HTR7: variants seen among roughly 807,000 people sequenced by gnomAD.
HTR7 encodes the protein 5-hydroxytryptamine receptor 7.
In HTR7, 16 loss-of-function variants were observed where a neutral mutation model predicts 34.0. The observed-to-expected ratio is 0.47, with a 90% CI of 0.32 to 0.71. HTR7 has a LOEUF of 0.71. HTR7 is among the 30% of genes least tolerant of loss of function. The probability of loss-of-function intolerance (pLI) is 0.04; values close to 1 mark genes in which losing one functional copy is unlikely to be tolerated. For missense variants in HTR7, 504 were observed against 625.5 expected, an observed-to-expected ratio of 0.81 and a Z score of 2.07; for synonymous variants, 265 against 260.2, an observed-to-expected ratio of 1.02 and a Z score of -0.18.
intron 1 of HTR7, among the ~76,000 whole-genome samples, chr10:90,790,509 T>A (rs1033073872): frequency 1.4e-4 from 22 of 152,198 alleles, no homozygotes; most frequent in Non-Finnish European, 2.5e-4. Context: ...AGTGACAGGA[T>A]ACATTCATAT....
intron 1 of HTR7, among the ~76,000 whole-genome samples, chr10:90,787,538 T>A (rs1487697592): frequency 1.3e-5 from 2 of 152,006 alleles, no homozygotes; most frequent in African/African-American, 2.4e-5. Flanking sequence ...CTCACTACCT[T>A]CACTGGACTT....
chr10:90,742,452 CT>C lies in HTR7; in HGVS notation c.*29del. 3.8e-6 allele frequency: 6 copies of C among 1,573,558 alleles called. No individual in the cohort carries two copies. The highest frequency in any genetic ancestry group is 1.3e-5 in the African/African-American group (1 of 74,094). On this transcript the variant is annotated 3_prime_UTR_variant, in exon 4 of 4. Transcript: ENST00000336152. ...CCTTCTGTTTCCACCTCTATTTTGC[CT>C]TGTTTATTTCATCTCCATTGTTCTG...
At chr10:90,782,231 G>A (rs1170775561) in intron 1 of HTR7, among the ~76,000 whole-genome samples, 3 of 152,220 alleles carry the variant, frequency 2.0e-5, no homozygotes, top group Non-Finnish European at 2.9e-5. Context: ...AGGACACTGA[G>A]CAGCTTCCAG....
intron 1 of HTR7, among the ~76,000 whole-genome samples, chr10:90,794,277 G>A (rs1473865280): frequency 6.6e-6 from 1 of 152,120 alleles, no homozygotes; most frequent in East Asian, 1.9e-4. Flanking sequence ...CATACAAGGA[G>A]CCGTCATCTC....
chr10:90,750,560 G>GA (rs1297575740), intron 1 of HTR7, among the ~76,000 whole-genome samples: 4 of 151,758 alleles, frequency 2.6e-5, no homozygotes, highest in Admixed American at 6.6e-5. Context: ...AGCAAAGACA[G>GA]AAAAAAAACT....
intron 1 of HTR7, among the ~76,000 whole-genome samples, chr10:90,828,267 A>C (rs1463527351): frequency 6.6e-6 from 1 of 152,210 alleles, no homozygotes; most frequent in Non-Finnish European, 1.5e-5. Context: ...AAGTAGAAAG[A>C]CATCAAGTAA....
At chr10:90,817,944 T>G (rs973643279) in intron 1 of HTR7, among the ~76,000 whole-genome samples, 4 of 151,988 alleles carry the variant, frequency 2.6e-5, no homozygotes, top group Non-Finnish European at 5.9e-5. Context: ...CTATGTAAAG[T>G]GAAAGAAGAT....
intron 1 of HTR7, among the ~76,000 whole-genome samples, chr10:90,796,574 C>T (rs1204927155): frequency 6.6e-6 from 1 of 152,028 alleles, no homozygotes; most frequent in Non-Finnish European, 1.5e-5. Flanking sequence ...AGCCAGGTGT[C>T]GTGACAAGTG....
At chr10:90,823,670 A>C (rs994518191) in intron 1 of HTR7, among the ~76,000 whole-genome samples, 1 of 152,206 alleles carries the variant, frequency 6.6e-6, no homozygotes, top group African/African-American at 2.4e-5. Context: ...GGCCAGGAGC[A>C]GAATGATAGA....
chr10:90,769,077 C>T lies in HTR7; in HGVS notation c.540-19483G>A, dbSNP rs550273511. On this transcript the variant is annotated intron_variant, in intron 1 of 3. Coordinates refer to ENST00000336152, the MANE Select transcript of HTR7 (RefSeq NM_019859.4). ...CCTGCAATTACTAAGGGTGTGTGTCCCAGAGCCATCTTTGCAGAAAAGAAG... is the reference window on the plus strand; with the variant it reads ...CCTGCAATTACTAAGGGTGTGTGTCTCAGAGCCATCTTTGCAGAAAAGAAG... Among the ~76,000 whole-genome samples, 9 of 152,282 alleles carry T rather than the reference C, an allele frequency of 5.9e-5. No individual in the cohort carries two copies. In the South Asian group the frequency reaches 1.9e-3, roughly 32 times the overall value.
At position 90,781,364 on chromosome 10, in the gene HTR7, T is replaced by G. The variant is rs1246462619; in HGVS notation, c.540-31770A>C. Among the ~76,000 whole-genome samples, 3 of 152,292 alleles carry G rather than the reference T, an allele frequency of 2.0e-5. No individual in the cohort carries two copies. The South Asian group carries it at 6.2e-4, about 32-fold the overall frequency. On this transcript the variant is annotated intron_variant, in intron 1 of 3. Transcript: ENST00000336152. ...GAATAAGGAATTTAAGCCGAACCCC[T>G]AACAAATGAGCAACAACTTTTTAAA...
At chr10:90,820,789 G>A (rs1481430447) in intron 1 of HTR7, among the ~76,000 whole-genome samples, 2 of 152,114 alleles carry the variant, frequency 1.3e-5, no homozygotes, top group Non-Finnish European at 2.9e-5. Context: ...AATGTATATT[G>A]CTTTTGAACC....
At chr10:90,815,510 G>C (rs1035225433) in intron 1 of HTR7, among the ~76,000 whole-genome samples, 4 of 152,112 alleles carry the variant, frequency 2.6e-5, no homozygotes, top group Admixed American at 1.3e-4. Flanking sequence ...ATGTAAATGC[G>C]CCCCTCAGGC....
At chr10:90,742,725 G>A (rs1589431609) in intron 3 of HTR7, among the ~76,000 whole-genome samples, 197 bp from the exon 4 acceptor site, 1 of 152,072 alleles carries the variant, frequency 6.6e-6, no homozygotes, top group East Asian at 1.9e-4. Context: ...ACTTCCACAA[G>A]TTGCCAAGGC....
intron 1 of HTR7, among the ~76,000 whole-genome samples, chr10:90,823,666 G>A (rs900218084): frequency 6.6e-6 from 1 of 152,152 alleles, no homozygotes; most frequent in Non-Finnish European, 1.5e-5. Flanking sequence ...AAGGGGCCAG[G>A]AGCAGAATGA....
chr10:90,820,939 A>G (rs1341387746), intron 1 of HTR7, among the ~76,000 whole-genome samples: 3 of 152,208 alleles, frequency 2.0e-5, no homozygotes, highest in Non-Finnish European at 2.9e-5. Context: ...TGAGGAAGGT[A>G]TTATCAACCC....
intron 1 of HTR7, among the ~76,000 whole-genome samples, chr10:90,794,243 G>A (rs1268994966): frequency 6.6e-6 from 1 of 152,128 alleles, no homozygotes; most frequent in Non-Finnish European, 1.5e-5. Context: ...TGTCCCACTG[G>A]AAGGTAGGTG....
chr10:90,841,721 C>T (rs766132456), intron 1 of HTR7, among the ~76,000 whole-genome samples: 29 of 152,096 alleles, frequency 1.9e-4, no homozygotes, highest in Non-Finnish European at 2.9e-4. Flanking sequence ...CCCTGCTGGC[C>T]GGGCGTGATG....
intron 1 of HTR7, among the ~76,000 whole-genome samples, chr10:90,752,882 C>T (rs985437097): frequency 2.6e-5 from 4 of 152,050 alleles, no homozygotes; most frequent in South Asian, 4.1e-4. Context: ...AAATTAAACC[C>T]TAAGAAAATA....
Sources: allele counts gnomAD v4.1 joint callset (sites outside exome capture counted in the v4.1 genomes callset), GRCh38; gene constraint gnomAD v4.1.1; transcripts MANE v1.5; gene names NCBI Gene and HGNC (gene_info 2026-07-23, HGNC 2026-07-21).